Variants in TRAM2 observed in about 807,000 individuals in gnomAD.
TRAM2 encodes translocating chain-associated membrane protein 2.
TRAM2 carries 12 observed loss-of-function variants against 51.0 expected under a neutral mutation model. The ratio of observed to expected loss-of-function variants is 0.24; its 90% CI spans 0.15 to 0.38. The LOEUF is 0.38. Ranked by LOEUF, TRAM2 falls within the 10% of genes least tolerant of loss-of-function variation. The probability of loss-of-function intolerance (pLI) is 1.00; values close to 1 mark genes in which losing one functional copy is unlikely to be tolerated. For missense variants in TRAM2, 361 were observed against 462.0 expected (o/e 0.78, Z 2.00); for synonymous variants, 175 against 179.4 (o/e 0.98, Z 0.20).
At position 52,501,990 on chromosome 6, in the gene TRAM2, CAG is replaced by C. The variant is rs1444910575; in HGVS notation, c.*1205_*1206del. On this transcript the variant is annotated 3_prime_UTR_variant, in exon 11 of 11. Coordinates refer to ENST00000182527, the MANE Select transcript of TRAM2 (RefSeq NM_012288.4). ...GCCAGAAAGGCGCCTATCATCTACC[CAG>C]AGAGTGACTCTCAGTCAGTCATGGT... is the stretch of plus-strand genomic sequence containing the variant. 1 of 152,236 alleles carries C rather than the reference CAG, an allele frequency of 6.6e-6. No individual in the cohort carries two copies. Among genetic ancestry groups the C allele is most frequent in the Non-Finnish European group, 1.5e-5 (1 of 68,066 alleles). 9.4% of individuals were successfully genotyped at this position (152,236 alleles called of 1,614,324 possible).
intron 1 of TRAM2, among the ~76,000 whole-genome samples, chr6:52,541,839 G>C (rs976871040): frequency 6.9e-6 from 1 of 144,052 alleles, no homozygotes; most frequent in African/African-American, 2.6e-5. Context: ...CCATGCATTG[G>C]CACTTGGAAG....
chr6:52,571,357 G>A lies in TRAM2; in HGVS notation c.120+5439C>T, dbSNP rs141098717. Among the ~76,000 whole-genome samples, 17 of 152,356 alleles carry A rather than the reference G, an allele frequency of 1.1e-4. No homozygotes were observed. In the East Asian group the frequency reaches 1.7e-3, roughly 16 times the overall value. ...GCAGATCAAAAAGGAGCTCATGCCT[G>A]CCAGAGTGAAGCTTTCACCATAGCA... On this transcript the variant is annotated intron_variant, in intron 1 of 10. Coordinates refer to ENST00000182527, the MANE Select transcript of TRAM2 (RefSeq NM_012288.4).
At chr6:52,571,044 G>A (rs1440430955) in intron 1 of TRAM2, among the ~76,000 whole-genome samples, 2 of 151,962 alleles carry the variant, frequency 1.3e-5, no homozygotes, top group East Asian at 3.9e-4. Flanking sequence ...GGCTGTTCAG[G>A]AACCATGTTA....
intron 1 of TRAM2, among the ~76,000 whole-genome samples, chr6:52,541,463 T>C (rs1217884804): frequency 1.3e-5 from 2 of 152,220 alleles, no homozygotes; most frequent in Non-Finnish European, 2.9e-5. Context: ...CTTTACCTGA[T>C]TCTACTTACT....
chr6:52,547,424 C>T (rs566265668), intron 1 of TRAM2, among the ~76,000 whole-genome samples: 5 of 152,294 alleles, frequency 3.3e-5, no homozygotes, highest in African/African-American at 9.6e-5. Context: ...GCAGTTCGGA[C>T]ACCTTGTCTT....
intron 1 of TRAM2, among the ~76,000 whole-genome samples, chr6:52,567,234 A>G (rs908099581): frequency 2.0e-5 from 3 of 152,242 alleles, no homozygotes; most frequent in Non-Finnish European, 2.9e-5. Context: ...GTAAGTGGTC[A>G]GTGAAAATCT....
chr6:52,549,812 G>T (rs1466451547), intron 1 of TRAM2, among the ~76,000 whole-genome samples: 1 of 152,284 alleles, frequency 6.6e-6, no homozygotes, highest in South Asian at 2.1e-4. Flanking sequence ...AAGCAATGGT[G>T]ATTCTAAATC....
At chr6:52,554,782 T>TA (rs1020985439) in intron 1 of TRAM2, among the ~76,000 whole-genome samples, 1 of 151,434 alleles carries the variant, frequency 6.6e-6, no homozygotes, top group African/African-American at 2.4e-5. Context: ...TTTTTTTTTT[T>TA]TTAACAGAGG....
At chr6:52,574,462 G>C (rs1767731298) in intron 1 of TRAM2, among the ~76,000 whole-genome samples, 1 of 152,318 alleles carries the variant, frequency 6.6e-6, no homozygotes, top group African/African-American at 2.4e-5. Flanking sequence ...TGGAGGCTTA[G>C]GGCAAAGCCC....
chr6:52,511,871 T>C (rs569948922), intron 4 of TRAM2, among the ~76,000 whole-genome samples: 98 of 152,280 alleles, frequency 6.4e-4, no homozygotes, highest in Non-Finnish European at 1.2e-3. Context: ...GCCTCATTTC[T>C]AATCTCTTCT....
rs562629167 is a variant in TRAM2 at position 52,537,695 on chromosome 6, C to A, written c.121-1849G>T. Among the ~76,000 whole-genome samples the A allele has an allele frequency of 2.0e-5, 3 of 147,954 alleles. No homozygotes were observed. In the South Asian group the frequency reaches 6.6e-4, roughly 33 times the overall value. The stretch of plus-strand genomic sequence containing the variant: ...CCTCCTCCACAGTTCTCATCAGACT[C>A]CTCACAGTCCCACAGGCAGGGACTG... On this transcript the variant is annotated intron_variant, in intron 1 of 10. Coordinates refer to ENST00000182527, the MANE Select transcript of TRAM2 (RefSeq NM_012288.4).
At chr6:52,564,783 G>A (rs1446807724) in intron 1 of TRAM2, among the ~76,000 whole-genome samples, 1 of 152,188 alleles carries the variant, frequency 6.6e-6, no homozygotes, top group African/African-American at 2.4e-5. Flanking sequence ...CTGGCTGAAT[G>A]AATAAACAAG....
At chr6:52,520,483 C>T (rs1182523077) in intron 2 of TRAM2, among the ~76,000 whole-genome samples, 5 of 152,190 alleles carry the variant, frequency 3.3e-5, no homozygotes, top group Non-Finnish European at 5.9e-5. Context: ...GAGTCAGTGA[C>T]GGAATCAAAA....
intron 2 of TRAM2, among the ~76,000 whole-genome samples, chr6:52,519,537 T>C (rs1380767872): frequency 6.6e-6 from 1 of 152,186 alleles, no homozygotes; most frequent in African/African-American, 2.4e-5. Context: ...CTTTGTACAT[T>C]GTTGGTGGGA....
At chr6:52,515,823 C>A in intron 4 of TRAM2, 183 bp downstream of exon 4, 1 of 613,694 alleles carries the variant, frequency 1.6e-6, no homozygotes, top group Admixed American at 2.7e-5. Context: ...CTCTGTAATA[C>A]CATGAGGATG....
rs529466790 is a variant in TRAM2 at position 52,554,744 on chromosome 6, A to C, written c.121-18898T>G. Among the ~76,000 whole-genome samples, 6 of 150,554 alleles carry C rather than the reference A, an allele frequency of 4.0e-5. No homozygotes were observed. The East Asian group carries it at 1.2e-3, about 30-fold the overall frequency. On this transcript the variant is annotated intron_variant, in intron 1 of 10. Coordinates refer to ENST00000182527, the MANE Select transcript of TRAM2 (RefSeq NM_012288.4). ...AGTTAATGTCTAGAAGTAAGAAGTT[A>C]CATTTCCACTTAGAGTCAATCCTTT...
At chr6:52,531,869 A>G (rs1266891327) in intron 2 of TRAM2, among the ~76,000 whole-genome samples, 1 of 152,172 alleles carries the variant, frequency 6.6e-6, no homozygotes, top group African/African-American at 2.4e-5. Flanking sequence ...CTAATAAATG[A>G]TGTTTCATGA....
rs9688915 is a variant in TRAM2, at chr6:52,506,141, G to C, written c.627-5C>G. The C allele has an allele frequency of 4.3e-6, 7 of 1,612,868 alleles. No homozygotes were observed. In the Admixed American group the frequency reaches 1.2e-4, roughly 27 times the overall value. Reference sequence around the variant, plus strand: ...ATCAGGCCCAGGCGGCTCAGGCTGGGGGTGGGGAAGACTAGACTTACATTC... The same window carrying C: ...ATCAGGCCCAGGCGGCTCAGGCTGGCGGTGGGGAAGACTAGACTTACATTC... On this transcript the variant is annotated splice_region_variant and splice_polypyrimidine_tract_variant and intron_variant, in intron 7 of 10. Coordinates refer to ENST00000182527, the MANE Select transcript of TRAM2 (RefSeq NM_012288.4).
intron 7 of TRAM2, among the ~76,000 whole-genome samples, chr6:52,507,024 A>G (rs556665549): frequency 2.0e-4 from 31 of 152,336 alleles, no homozygotes; most frequent in African/African-American, 6.5e-4. Flanking sequence ...CATCAAAAGG[A>G]TTCTTTTCAT....
Sources: gnomAD v4.1 joint callset for allele counts (sites outside exome capture counted in the v4.1 genomes callset) on GRCh38, gnomAD v4.1.1 for gene constraint, MANE v1.5 for transcripts, NCBI Gene and HGNC (gene_info 2026-07-23, HGNC 2026-07-21) for gene names.